MAST4: variants seen among roughly 807,000 people sequenced by gnomAD.
MAST4 encodes microtubule associated serine/threonine kinase family member 4.
A neutral mutation model predicts 162.7 loss-of-function variants in MAST4; 89 were observed. That is an observed-to-expected ratio of 0.55 (90% CI 0.46 to 0.65). The LOEUF (loss-of-function observed/expected upper bound fraction) is 0.65. Among genes scored for constraint, MAST4 ranks in the 30% least tolerant of loss-of-function variants. The pLI is 0.00. For synonymous variants in MAST4, 1,479 were observed against 1,361.1 expected (o/e 1.09, Z -1.91); for missense variants, 3,153 against 3,374.0 (o/e 0.93, Z 1.62).
chr5:66,849,957 T>A (rs1759183946), intron 3 of MAST4, among the ~76,000 whole-genome samples: 1 of 152,196 alleles, frequency 6.6e-6, no homozygotes, highest in Admixed American at 6.5e-5. Context: ...GGCAAAAGCA[T>A]ATTACCTCAC....
At chr5:66,828,477 G>C (rs1757380960) in intron 3 of MAST4, among the ~76,000 whole-genome samples, 1 of 152,092 alleles carries the variant, frequency 6.6e-6, no homozygotes, top group African/African-American at 2.4e-5. Context: ...CTTCAGATGG[G>C]GCTTGACCCA....
chr5:66,868,733 A>G (rs536532568), intron 3 of MAST4, among the ~76,000 whole-genome samples: 22 of 152,154 alleles, frequency 1.4e-4, no homozygotes, highest in Admixed American at 6.5e-4. Flanking sequence ...CTATTTGTTC[A>G]TTACAAGCAG....
In MAST4 at chr5:67,147,102, T is replaced by TA. The variant is rs201349562; in HGVS notation, c.3094+1733dup. Among the ~76,000 whole-genome samples the TA allele has an allele frequency of 6.1e-3, 922 of 149,962 alleles. 12 individuals are homozygous for TA. Among genetic ancestry groups the TA allele is most frequent in the African/African-American group, 0.021 (864 of 40,892 alleles). On this transcript the variant is annotated intron_variant, in intron 23 of 28. Coordinates refer to ENST00000403625, the MANE Select transcript of MAST4 (RefSeq NM_001164664.2). ...GCATTTGATTGATTACTTTCATAAT[T>TA]AAAAAAAAAATTCACCTAGGTCCTG...
chr5:66,721,140 T>G (rs1751183870), intron 1 of MAST4, among the ~76,000 whole-genome samples: 3 of 152,206 alleles, frequency 2.0e-5, no homozygotes, highest in African/African-American at 7.2e-5. Context: ...TGTCCACACA[T>G]AAGTATGCTG....
At chr5:66,632,773 T>C (rs1045433763) in intron 1 of MAST4, among the ~76,000 whole-genome samples, 9 of 152,220 alleles carry the variant, frequency 5.9e-5, no homozygotes, top group African/African-American at 2.2e-4. Flanking sequence ...GAATTTCTTA[T>C]GTAATTCAGG....
intron 3 of MAST4, among the ~76,000 whole-genome samples, chr5:66,816,999 C>T (rs1756760445): frequency 6.6e-6 from 1 of 152,188 alleles, no homozygotes; most frequent in South Asian, 2.1e-4. Context: ...CCTACCCTTA[C>T]CCTCTACCCA....
At chr5:66,792,532 A>T (rs1168628030) in intron 3 of MAST4, 5 of 153,542 alleles carry the variant, frequency 3.3e-5, no homozygotes, top group Non-Finnish European at 5.9e-5. Context: ...ATAATTATTT[A>T]TGGAAAAGTG....
intron 4 of MAST4, among the ~76,000 whole-genome samples, chr5:67,020,869 G>A (rs1384391004): frequency 6.6e-6 from 1 of 152,160 alleles, no homozygotes. Context: ...CTGGTTTTGT[G>A]TACCGACCTT....
At chr5:66,719,518 G>A (rs1337040486) in intron 1 of MAST4, among the ~76,000 whole-genome samples, 1 of 152,136 alleles carries the variant, frequency 6.6e-6, no homozygotes, top group African/African-American at 2.4e-5. Context: ...CTATTGTTCA[G>A]TGTTTTACAG....
chr5:66,686,658 A>G (rs1421669925), intron 1 of MAST4, among the ~76,000 whole-genome samples: 1 of 152,172 alleles, frequency 6.6e-6, no homozygotes, highest in East Asian at 1.9e-4. Context: ...ATTAGCCCAT[A>G]ACCAGCTCTT....
chr5:67,076,300 A>T (rs1761633420), intron 5 of MAST4, among the ~76,000 whole-genome samples: 1 of 151,888 alleles, frequency 6.6e-6, no homozygotes, highest in Non-Finnish European at 1.5e-5. Context: ...TGTGGCATAA[A>T]CTCTTTTACC....
At chr5:66,677,487 G>A (rs1345577940) in intron 1 of MAST4, among the ~76,000 whole-genome samples, 1 of 152,148 alleles carries the variant, frequency 6.6e-6, no homozygotes, top group Non-Finnish European at 1.5e-5. Flanking sequence ...GCCTTTGTTC[G>A]TTTATTCAAA....
chr5:67,064,216 G>A (rs1414683599), intron 5 of MAST4, among the ~76,000 whole-genome samples: 1 of 152,092 alleles, frequency 6.6e-6, no homozygotes, highest in Non-Finnish European at 1.5e-5. Context: ...GGTCCTGAGA[G>A]GACACATGGC....
rs759044530 is a variant in MAST4, at chr5:66,636,138, A to G, written c.363+39120A>G. The stretch of plus-strand genomic sequence containing the variant: ...ACGCCCAGCTAATTTCTGTATTTTT[A>G]GTAGAGATGGGGTTTCACCGTGTTA... On this transcript the variant is annotated intron_variant, in intron 1 of 28. Transcript: ENST00000403625. Among the ~76,000 whole-genome samples, 7 of 151,686 alleles carry G rather than the reference A, an allele frequency of 4.6e-5. 1 individual carries two copies. The highest frequency in any genetic ancestry group is 2.6e-4 in the Admixed American group (4 of 15,234).
chr5:67,118,632 T>C (rs753990720), intron 12 of MAST4, 50 bp from the exon 13 acceptor site: 14 of 1,109,750 alleles, frequency 1.3e-5, no homozygotes, highest in Non-Finnish European at 1.9e-5. Context: ...AGTATTCTTA[T>C]CCAATTGCAA....
intron 2 of MAST4, among the ~76,000 whole-genome samples, chr5:66,779,393 C>CTTTT (rs57118930): frequency 8.6e-6 from 1 of 116,694 alleles, no homozygotes; most frequent in Non-Finnish European, 1.8e-5. Flanking sequence ...ACACATAGCA[C>CTTTT]TTTTTTTTTT....
intron 4 of MAST4, among the ~76,000 whole-genome samples, chr5:66,918,423 C>G (rs1764257572): frequency 1.3e-5 from 2 of 152,228 alleles, no homozygotes; most frequent in Admixed American, 1.3e-4. Context: ...TAGAAATTGT[C>G]ACACTTGAAA....
At chr5:66,853,220 C>G (rs547259013) in intron 3 of MAST4, among the ~76,000 whole-genome samples, 218 of 152,288 alleles carry the variant, frequency 1.4e-3, no homozygotes, top group African/African-American at 5.1e-3. Context: ...GCCTGCATAA[C>G]CAGTGTGATA....
chr5:66,722,367 C>T (rs1449168555), intron 1 of MAST4, among the ~76,000 whole-genome samples: 3 of 151,886 alleles, frequency 2.0e-5, no homozygotes, highest in African/African-American at 7.3e-5. Context: ...TTTAAGTCTT[C>T]ACCGAAAGTT....
Sources: gnomAD v4.1 joint callset for allele counts (sites outside exome capture counted in the v4.1 genomes callset) on GRCh38, gnomAD v4.1.1 for gene constraint, MANE v1.5 for transcripts, NCBI Gene and HGNC (gene_info 2026-07-23, HGNC 2026-07-21) for gene names.